The following LINGO2 variants were observed in gnomAD, a reference collection of about 807,000 sequenced individuals.
LINGO2 encodes leucine rich repeat and Ig domain containing 2.
Under a neutral mutation model 30.6 loss-of-function variants are expected in LINGO2, and 14 were observed. The observed-to-expected ratio is 0.46, with a 90% confidence interval of 0.30 to 0.72. LINGO2 has a LOEUF of 0.72. Among genes scored for constraint, LINGO2 ranks in the 30% least tolerant of loss-of-function variants. LINGO2 has a pLI of 0.07. For missense variants in LINGO2, 729 were observed against 751.7 expected, an observed-to-expected ratio of 0.97 and a Z score of 0.35; for synonymous variants, 317 against 288.5, an observed-to-expected ratio of 1.10 and a Z score of -1.00.
At chr9:28,352,186 A>C (rs1230403889) in intron 3 of LINGO2, among the ~76,000 whole-genome samples, 1 of 152,040 alleles carries the variant, frequency 6.6e-6, no homozygotes, top group Non-Finnish European at 1.5e-5. Context: ...AAGGGTATTC[A>C]GTTAGGAAAA....
chr9:28,949,923 C>A, the LINGO2 span, among the ~76,000 whole-genome samples: 1 of 152,074 alleles, frequency 6.6e-6, no homozygotes, highest in African/African-American at 2.4e-5. Flanking sequence ...GTTTATCCAC[C>A]ACAAACAAGT....
At chr9:28,248,097 A>G (rs1822066467) in intron 4 of LINGO2, among the ~76,000 whole-genome samples, 1 of 152,108 alleles carries the variant, frequency 6.6e-6, no homozygotes, top group Admixed American at 6.5e-5. Context: ...CAGCAATCTC[A>G]CTTTCGGGTA....
chr9:28,604,580 T>C (rs1743804296), intron 1 of LINGO2, among the ~76,000 whole-genome samples: 1 of 152,036 alleles, frequency 6.6e-6, no homozygotes, highest in Non-Finnish European at 1.5e-5. Flanking sequence ...GTGGGAAGTA[T>C]TTTTATTTAA....
intron 4 of LINGO2, among the ~76,000 whole-genome samples, chr9:28,220,856 C>T (rs1820933203): frequency 2.0e-5 from 3 of 151,916 alleles, no homozygotes; most frequent in Non-Finnish European, 4.4e-5. Flanking sequence ...ACACCTCCAG[C>T]CCAAAGGAAA....
At chr9:28,811,195 C>T in the LINGO2 span, among the ~76,000 whole-genome samples, 1 of 152,022 alleles carries the variant, frequency 6.6e-6, no homozygotes, top group African/African-American at 2.4e-5. Context: ...TCTTCTCTTT[C>T]TCCCATCTCG....
At chr9:28,109,678 C>T (rs7862501) in intron 4 of LINGO2, among the ~76,000 whole-genome samples, 33,025 of 151,988 alleles carry the variant, frequency 0.22, 5,003 homozygotes, top group African/African-American at 0.44. Context: ...CATAGGAATA[C>T]AACTGACAAG....
intron 2 of LINGO2, among the ~76,000 whole-genome samples, chr9:28,473,275 C>T (rs142819872): frequency 3.9e-5 from 6 of 151,990 alleles, no homozygotes; most frequent in Admixed American, 6.6e-5. Context: ...AAATTCAGGC[C>T]CAAATTCCAA....
At chr9:28,504,950 C>A (rs1284485244) in intron 1 of LINGO2, among the ~76,000 whole-genome samples, 1 of 151,582 alleles carries the variant, frequency 6.6e-6, no homozygotes, top group Non-Finnish European at 1.5e-5. Flanking sequence ...ATGGCATGAG[C>A]ATAATAGAAC....
chr9:28,102,233 A>C (rs889087530), intron 4 of LINGO2, among the ~76,000 whole-genome samples: 2 of 152,068 alleles, frequency 1.3e-5, no homozygotes, highest in African/African-American at 4.8e-5. Context: ...GACAGCTTTC[A>C]ATTTTAAACA....
chr9:29,034,164 T>G, the LINGO2 span, among the ~76,000 whole-genome samples: 1 of 152,118 alleles, frequency 6.6e-6, no homozygotes, highest in Non-Finnish European at 1.5e-5. Flanking sequence ...GATAAATGAA[T>G]GTATATACCA....
intron 2 of LINGO2, among the ~76,000 whole-genome samples, chr9:28,463,708 G>A (rs547464564): frequency 6.6e-6 from 1 of 151,772 alleles, no homozygotes; most frequent in Non-Finnish European, 1.5e-5. Flanking sequence ...GAAGGGGAGA[G>A]AGCCAAGATG....
At chr9:27,982,322 G>A (rs1820918728) in intron 5 of LINGO2, among the ~76,000 whole-genome samples, 1 of 151,900 alleles carries the variant, frequency 6.6e-6, no homozygotes, top group African/African-American at 2.4e-5. Flanking sequence ...GGGCTCTTTT[G>A]TATAAAGGAA....
intron 1 of LINGO2, among the ~76,000 whole-genome samples, chr9:28,551,754 A>G (rs1822296109): frequency 6.6e-6 from 1 of 152,028 alleles, no homozygotes. Context: ...GACACTGTAT[A>G]TTGACATTCT....
At chr9:28,520,261 C>T (rs2135397011) in intron 1 of LINGO2, among the ~76,000 whole-genome samples, 1 of 152,152 alleles carries the variant, frequency 6.6e-6, no homozygotes. Flanking sequence ...AAGAGTACTT[C>T]TAAAATTTTA....
chr9:28,412,970 T>C (rs1446829450), intron 2 of LINGO2, among the ~76,000 whole-genome samples: 1 of 152,084 alleles, frequency 6.6e-6, no homozygotes, highest in Admixed American at 6.6e-5. Flanking sequence ...AGGGTAAAGA[T>C]CTTCATGATG....
At chr9:28,498,423 G>A (rs1359564425) in intron 1 of LINGO2, among the ~76,000 whole-genome samples, 1 of 152,194 alleles carries the variant, frequency 6.6e-6, no homozygotes, top group Non-Finnish European at 1.5e-5. Flanking sequence ...TGCTAGCAAT[G>A]AGCGAGCTTC....
chr9:28,820,483 C>G, the LINGO2 span, among the ~76,000 whole-genome samples: 2 of 152,092 alleles, frequency 1.3e-5, no homozygotes, highest in Non-Finnish European at 2.9e-5. Flanking sequence ...CATACATTGA[C>G]GTATGTCAAG....
At chr9:28,584,960 C>T (rs1824458071) in intron 1 of LINGO2, among the ~76,000 whole-genome samples, 1 of 22,586 alleles carries the variant, frequency 4.4e-5, no homozygotes, top group African/African-American at 1.8e-4. Context: ...TTTTTTGAGA[C>T]GGAGTCTCGC....
chr9:28,216,254 C>G (rs1820763234), intron 4 of LINGO2, among the ~76,000 whole-genome samples: 1 of 151,866 alleles, frequency 6.6e-6, no homozygotes, highest in Non-Finnish European at 1.5e-5. Flanking sequence ...GATAGCTTTT[C>G]TAATTCAGGA....
Sources: allele counts gnomAD v4.1 joint callset (sites outside exome capture counted in the v4.1 genomes callset), GRCh38; gene constraint gnomAD v4.1.1; transcripts MANE v1.5; gene names NCBI Gene and HGNC (gene_info 2026-07-23, HGNC 2026-07-21).